Variants in CSNK1G1 observed in about 807,000 individuals in gnomAD.
CSNK1G1 encodes the protein casein kinase 1 gamma 1.
A neutral mutation model predicts 59.6 loss-of-function variants in CSNK1G1; 22 were observed. The observed-to-expected ratio is 0.37, with a 90% confidence interval of 0.26 to 0.53. CSNK1G1 has a LOEUF of 0.53. Ranked by LOEUF, CSNK1G1 falls within the 20% of genes least tolerant of loss-of-function variation. The pLI is 0.89. For synonymous variants in CSNK1G1, 179 were observed against 177.1 expected, an observed-to-expected ratio of 1.01 and a Z score of -0.08; for missense variants, 384 against 519.5, an observed-to-expected ratio of 0.74 and a Z score of 2.54.
At chr15:64,342,833 C>T (rs1427826662) in intron 1 of CSNK1G1, 1 of 152,218 alleles carries the variant, frequency 6.6e-6, no homozygotes, top group African/African-American at 2.4e-5. Flanking sequence ...TTTGAGTGTA[C>T]ATCAGAATCA....
chr15:64,179,578 G>A (rs1193555537), intron 11 of CSNK1G1, among the ~76,000 whole-genome samples: 1 of 152,144 alleles, frequency 6.6e-6, no homozygotes, highest in African/African-American at 2.4e-5. Context: ...CTCCCTACCT[G>A]GTATCTTCTT....
intron 1 of CSNK1G1, among the ~76,000 whole-genome samples, chr15:64,355,666 C>G (rs954957874): frequency 1.3e-5 from 2 of 152,116 alleles, no homozygotes; most frequent in Non-Finnish European, 2.9e-5. Flanking sequence ...CCTTTTGGCT[C>G]CCGGGGGATG....
intron 10 of CSNK1G1, among the ~76,000 whole-genome samples, chr15:64,198,996 T>C (rs1455466071): frequency 6.6e-6 from 1 of 151,314 alleles, no homozygotes; most frequent in East Asian, 1.9e-4. Flanking sequence ...GCTCCCAGCA[T>C]TTTGGGAGGC....
rs142683587 is a variant in CSNK1G1 at position 64,340,389 on chromosome 15, A to C, written c.-225+15599T>G. 8.5e-3 allele frequency among the ~76,000 whole-genome samples: 1,299 copies of C among 152,270 alleles called. 16 individuals are homozygous for C. The highest frequency in any genetic ancestry group is 0.027 in the Middle Eastern group (8 of 294). ...CAGGAAGTATTGTTTTAATGTCAAA[A>C]ACATCTATTCTAATATAATGGTGAA... On this transcript the variant is annotated intron_variant, in intron 1 of 11. Coordinates refer to ENST00000303052, the MANE Select transcript of CSNK1G1 (RefSeq NM_022048.5).
At chr15:64,191,223 C>T (rs925300514) in intron 10 of CSNK1G1, among the ~76,000 whole-genome samples, 7 of 151,998 alleles carry the variant, frequency 4.6e-5, no homozygotes, top group Admixed American at 3.3e-4. Flanking sequence ...CACCAGGTTG[C>T]TAATTTTTTT....
At position 64,205,048 on chromosome 15, in the gene CSNK1G1, A is replaced by G; in HGVS notation, c.766-99T>C. ...CAATGGTTGTTTCACTCAAATTCGC[A>G]GTATTTGTTGGTCTTGATTTTTTTT... is the stretch of plus-strand genomic sequence containing the variant. On this transcript the variant is annotated intron_variant, in intron 7 of 11. Coordinates refer to ENST00000303052, the MANE Select transcript of CSNK1G1 (RefSeq NM_022048.5). The G allele has an allele frequency of 6.0e-6, 4 of 661,870 alleles. No individual in the cohort carries two copies. In the South Asian group the frequency reaches 6.3e-5, roughly 10 times the overall value. 41.0% of individuals were successfully genotyped at this position (661,870 alleles called of 1,614,324 possible).
At chr15:64,318,120 G>A (rs1163326018) in intron 1 of CSNK1G1, among the ~76,000 whole-genome samples, 2 of 151,634 alleles carry the variant, frequency 1.3e-5, no homozygotes, top group Non-Finnish European at 1.5e-5. Context: ...TTATCAAAGA[G>A]GAGGGAAATA....
chr15:64,275,833 A>G (rs1893581700), intron 2 of CSNK1G1, among the ~76,000 whole-genome samples: 1 of 152,236 alleles, frequency 6.6e-6, no homozygotes. Context: ...CTTCATATAC[A>G]CAGATATTAA....
At chr15:64,351,176 A>C (rs183994723) in intron 1 of CSNK1G1, among the ~76,000 whole-genome samples, 16 of 152,322 alleles carry the variant, frequency 1.1e-4, no homozygotes, top group African/African-American at 3.8e-4. Flanking sequence ...TTAAAATAAA[A>C]ATGAGCTCTG....
At chr15:64,290,740 T>TA (rs1894692489) in intron 2 of CSNK1G1, among the ~76,000 whole-genome samples, 1 of 152,234 alleles carries the variant, frequency 6.6e-6, no homozygotes, top group Admixed American at 6.5e-5. Context: ...TAATTTAATT[T>TA]AATTTAATTC....
In CSNK1G1 at chr15:64,168,934, G is replaced by A. The variant is rs1363080473; in HGVS notation, c.*2997C>T. On this transcript the variant is annotated 3_prime_UTR_variant, in exon 12 of 12. Transcript: ENST00000303052. ...TCACCATTACTCTGCATGCTAAAGG[G>A]ACCTGGGATTCTTTACCCTTGTTAT... The A allele has an allele frequency of 6.6e-6, 1 of 152,568 alleles. No homozygotes were observed. Among genetic ancestry groups the A allele is most frequent in the African/African-American group, 2.4e-5 (1 of 41,452 alleles). 9.5% of individuals were successfully genotyped at this position (152,568 alleles called of 1,614,324 possible). A position where few individuals can be genotyped will look rare whatever the true frequency, so the allele number is the denominator to read the frequency against.
intron 4 of CSNK1G1, among the ~76,000 whole-genome samples, chr15:64,221,551 T>A (rs1437183184): frequency 2.6e-5 from 4 of 151,874 alleles, no homozygotes; most frequent in Non-Finnish European, 4.4e-5. Flanking sequence ...TCTAGACCAC[T>A]GAGTGGTTTT....
intron 2 of CSNK1G1, among the ~76,000 whole-genome samples, chr15:64,298,204 C>G (rs542143216): frequency 6.6e-6 from 1 of 152,308 alleles, no homozygotes; most frequent in East Asian, 1.9e-4. Context: ...TAATACAAAT[C>G]TAGACTTCAG....
chr15:64,264,711 C>CT (rs1383535278), intron 2 of CSNK1G1, among the ~76,000 whole-genome samples: 4 of 152,186 alleles, frequency 2.6e-5, no homozygotes, highest in African/African-American at 9.6e-5. Flanking sequence ...GTTAAGGATG[C>CT]TTGAATATAT....
At chr15:64,314,231 C>T (rs1896149349) in intron 1 of CSNK1G1, among the ~76,000 whole-genome samples, 1 of 152,100 alleles carries the variant, frequency 6.6e-6, no homozygotes, top group African/African-American at 2.4e-5. Flanking sequence ...ATTCTCCCAC[C>T]CCAGCCTCCT....
chr15:64,286,349 ATTG>A (rs1466511188), intron 2 of CSNK1G1, among the ~76,000 whole-genome samples: 1 of 151,920 alleles, frequency 6.6e-6, no homozygotes, highest in African/African-American at 2.4e-5. Context: ...TGTTAACAAT[ATTG>A]TTAACATGTT....
At chr15:64,198,554 T>A (rs2082065744) in intron 10 of CSNK1G1, among the ~76,000 whole-genome samples, 1 of 151,928 alleles carries the variant, frequency 6.6e-6, no homozygotes, top group African/African-American at 2.4e-5. Flanking sequence ...ATTTACTGAG[T>A]CAAAGTTGCT....
intron 4 of CSNK1G1, among the ~76,000 whole-genome samples, chr15:64,248,452 T>G (rs1175477515): frequency 1.3e-5 from 2 of 152,174 alleles, no homozygotes; most frequent in Non-Finnish European, 2.9e-5. Flanking sequence ...ACTTGCTGAC[T>G]GCTATGTGAC....
chr15:64,166,737 A>G lies in CSNK1G1; in HGVS notation c.*5194T>C, dbSNP rs1322194491. 6.6e-6 allele frequency: 1 copy of G among 152,546 alleles called. No homozygotes were observed. The highest frequency in any genetic ancestry group is 1.9e-4 in the East Asian group (1 of 5,194). The allele number at this position is 152,546 out of a possible 1,614,324, so 9.4% of individuals were successfully genotyped here. On this transcript the variant is annotated 3_prime_UTR_variant, in exon 12 of 12. Transcript: ENST00000303052. This position sits in a 1 kb window ranked among gnomAD's most constrained non-coding sequence, Gnocchi z 4.5. Reference sequence around the variant, plus strand: ...GGAGCTCATGAACTGAAAATGTCTCACCTGTACTGAAAGAGGGGTGGGTGG... The same window carrying G: ...GGAGCTCATGAACTGAAAATGTCTCGCCTGTACTGAAAGAGGGGTGGGTGG...
Sources: gnomAD v4.1 joint callset for allele counts (sites outside exome capture counted in the v4.1 genomes callset) on GRCh38, gnomAD v4.1.1 for gene constraint, Gnocchi (gnomAD v3.1) non-coding constraint, MANE v1.5 for transcripts, NCBI Gene and HGNC (gene_info 2026-07-23, HGNC 2026-07-21) for gene names.